COX10: variants seen among roughly 807,000 people sequenced by gnomAD.
COX10 encodes the protein cytochrome c oxidase assembly factor heme A:farnesyltransferase COX10, also known as protoheme IX farnesyltransferase, mitochondrial.
A neutral mutation model predicts 37.3 loss-of-function variants in COX10; 27 were observed. The observed-to-expected ratio is 0.72, with a 90% confidence interval of 0.53 to 1.00. COX10 has a LOEUF of 1.00. Among genes scored for constraint, COX10 ranks in the 50% least tolerant of loss-of-function variants. COX10 has a pLI of 0.00. For missense variants in COX10, 475 were observed against 563.2 expected (o/e 0.84, Z 1.59); for synonymous variants, 222 against 229.1 (o/e 0.97, Z 0.28).
chr17:14,071,617 C>T lies in COX10; in HGVS notation c.43+1969C>T, dbSNP rs555467771. On this transcript the variant is annotated intron_variant, in intron 1 of 6. Coordinates refer to ENST00000261643, the MANE Select transcript of COX10 (RefSeq NM_001303.4). ...TGTCATCACTGGCCGGGCGCAGTAG[C>T]TTACACCTGTAATCCCAGAACTTTG... Among the ~76,000 whole-genome samples the T allele has an allele frequency of 5.3e-5, 8 of 151,628 alleles. No individual in the cohort carries two copies. In the East Asian group the frequency reaches 1.6e-3, roughly 30 times the overall value.
intron 5 of COX10, among the ~76,000 whole-genome samples, chr17:14,181,211 CAATT>C (rs1048085898): frequency 4.5e-4 from 68 of 152,058 alleles, no homozygotes; most frequent in African/African-American, 1.6e-3. Context: ...GCAAGGGGGT[CAATT>C]CTAGGGCAAA....
chr17:14,134,106 TA>T (rs1916526167), intron 4 of COX10, among the ~76,000 whole-genome samples: 1 of 151,690 alleles, frequency 6.6e-6, no homozygotes. Context: ...ACTTATACTT[TA>T]AAGGCTTCAT....
chr17:14,107,693 A>C lies in COX10; in HGVS notation c.624+5451A>C, dbSNP rs1047202553. Reference sequence around the variant, plus strand: ...TTTACACACACACACACACACACACACCACACACGACCTTAGAAAACATTT... The same window carrying C: ...TTTACACACACACACACACACACACCCCACACACGACCTTAGAAAACATTT... On this transcript the variant is annotated intron_variant, in intron 4 of 6. Transcript: ENST00000261643. Among the ~76,000 whole-genome samples, 3 of 144,364 alleles carry C rather than the reference A, an allele frequency of 2.1e-5. No individual in the cohort carries two copies. The East Asian group carries it at 6.3e-4, about 30-fold the overall frequency. The allele number at this position is 144,364 out of a possible 152,430, so 94.7% of individuals were successfully genotyped here.
Position 14,077,045 on chromosome 17 carries a change from T to G in COX10, c.488T>G (p.Ile163Ser). ...LPGILARLSK[I>S]KLTALVVSTT... ...GGAATTTTGGCTCGACTATCCAAAA[T>G]CAAACTCACAGGTACTTTGTTTTTC... Residue 163 changes from isoleucine to serine, a missense_variant, in exon 3 of 7, where the codon ATC becomes AGC. Physicochemically the swap from Ile to Ser is moderately radical, Grantham distance 142. Coordinates refer to ENST00000261643, the MANE Select transcript of COX10 (RefSeq NM_001303.4). The G allele has an allele frequency of 6.2e-7, 1 of 1,614,088 alleles. No homozygotes were observed. Among genetic ancestry groups the G allele is most frequent in the Non-Finnish European group, 8.5e-7 (1 of 1,179,996 alleles).
At chr17:14,120,391 C>T (rs769395240) in intron 4 of COX10, among the ~76,000 whole-genome samples, 10 of 152,078 alleles carry the variant, frequency 6.6e-5, no homozygotes, top group Non-Finnish European at 1.2e-4. Context: ...TGAAGAGCTA[C>T]ATAATTGAAC....
At chr17:14,182,510 A>G (rs1404931660) in intron 5 of COX10, among the ~76,000 whole-genome samples, 1 of 152,088 alleles carries the variant, frequency 6.6e-6, no homozygotes. Flanking sequence ...TATAATATCT[A>G]TAACTTGAGA....
chr17:14,173,721 C>T (rs1440945627), intron 5 of COX10, among the ~76,000 whole-genome samples: 2 of 151,970 alleles, frequency 1.3e-5, no homozygotes, highest in African/African-American at 4.8e-5. Flanking sequence ...TATAATAAGG[C>T]AAGAGAGAGA....
At chr17:14,145,128 A>G (rs540099621) in intron 4 of COX10, among the ~76,000 whole-genome samples, 3 of 124,170 alleles carry the variant, frequency 2.4e-5, no homozygotes, top group Admixed American at 1.0e-4. Flanking sequence ...TGAGGACTTC[A>G]GTGTTCAATA....
intron 4 of COX10, among the ~76,000 whole-genome samples, chr17:14,146,893 A>G (rs553479799): frequency 1.3e-5 from 2 of 152,306 alleles, no homozygotes; most frequent in East Asian, 3.9e-4. Flanking sequence ...ATATGAGAAG[A>G]TGCTCAACAT....
intron 4 of COX10, among the ~76,000 whole-genome samples, chr17:14,148,452 C>G (rs1264929147): frequency 6.6e-6 from 1 of 152,086 alleles, no homozygotes; most frequent in Non-Finnish European, 1.5e-5. Flanking sequence ...TCCCTTTTAA[C>G]TTGGTCTGAG....
intron 6 of COX10, among the ~76,000 whole-genome samples, chr17:14,203,592 C>T (rs1410398931): frequency 2.0e-5 from 3 of 152,196 alleles, no homozygotes; most frequent in African/African-American, 7.2e-5. Context: ...CCTAGTGTCA[C>T]TCTGCACTCT....
intron 5 of COX10, among the ~76,000 whole-genome samples, chr17:14,175,579 A>G (rs532586000): frequency 2.2e-4 from 34 of 151,900 alleles, no homozygotes; most frequent in African/African-American, 7.5e-4. Context: ...GCATCTCTGG[A>G]TGTTACACTC....
In COX10 at chr17:14,206,976, C is replaced by T. The variant is rs142380203; in HGVS notation, c.1095C>T (p.Leu365=). 4.4e-5 allele frequency: 71 copies of T among 1,614,044 alleles called. No homozygotes were observed. The highest frequency in any genetic ancestry group is 2.7e-4 in the East Asian group (12 of 44,852). The change falls in exon 7 of 7, where the codon CTC becomes CTT. Residue 365 remains leucine (L), a synonymous_variant. Transcript: ENST00000261643. ...RVALRHCLAL[L]VLSAAAPVLD... The stretch of plus-strand genomic sequence containing the variant: ...CGCTGCGCCACTGCCTGGCCCTGCT[C>T]GTGCTGTCCGCAGCAGCCCCTGTGC...
Position 14,206,866 on chromosome 17 carries a change from C to G in COX10, c.985C>G (p.Leu329Val). Residue 329 changes from leucine to valine, a missense_variant, in exon 7 of 7, where the codon CTG (leucine) becomes GTG (valine). This residue lies in a region of COX10 where 160 missense variants were observed against 180.6 expected (regional missense o/e 0.89). Transcript: ENST00000261643. ...CTGGCAGTTTCCTCATTTCAACGCC[C>G]TGAGCTGGGGCCTCCGTGAAGACTA... ...YSWQFPHFNA[L>V]SWGLREDYSR... 4 of 1,614,134 alleles carry G rather than the reference C, an allele frequency of 2.5e-6. No homozygotes were observed. Among genetic ancestry groups the G allele is most frequent in the Non-Finnish European group, 3.4e-6 (4 of 1,180,018 alleles).
chr17:14,187,564 T>C (rs1334428678), intron 5 of COX10, among the ~76,000 whole-genome samples: 1 of 152,226 alleles, frequency 6.6e-6, no homozygotes, highest in Non-Finnish European at 1.5e-5. Context: ...TCAACTAGTA[T>C]GTTTCTCCGA....
At chr17:14,131,184 T>A (rs2024091) in intron 4 of COX10, among the ~76,000 whole-genome samples, 151,357 of 152,264 alleles carry the variant, frequency 0.99, 75,240 homozygotes, top group Middle Eastern at 1. Flanking sequence ...GTCAAAGGGC[T>A]TTCCTAAGCA....
chr17:14,138,851 T>C (rs1013697189), intron 4 of COX10, among the ~76,000 whole-genome samples: 1 of 152,124 alleles, frequency 6.6e-6, no homozygotes, highest in African/African-American at 2.4e-5. Context: ...CTTGCTCAAG[T>C]GTAGTGTGCT....
At chr17:14,140,670 A>G (rs1307045727) in intron 4 of COX10, among the ~76,000 whole-genome samples, 1 of 152,008 alleles carries the variant, frequency 6.6e-6, no homozygotes, top group Non-Finnish European at 1.5e-5. Context: ...TTTGTTTTTC[A>G]TGTTAAACAT....
At chr17:14,204,174 A>G (rs1372965843) in intron 6 of COX10, among the ~76,000 whole-genome samples, 5 of 152,134 alleles carry the variant, frequency 3.3e-5, no homozygotes, top group African/African-American at 4.8e-5. Flanking sequence ...TAAGAAGTTC[A>G]CCTCAGGTAG....
Sources: gnomAD v4.1 joint callset for allele counts (sites outside exome capture counted in the v4.1 genomes callset) on GRCh38, gnomAD v4.1.1 for gene constraint, gnomAD v4.1.1 regional missense constraint, MANE v1.5 for transcripts, NCBI Gene and HGNC (gene_info 2026-07-23, HGNC 2026-07-21) for gene names.